Variants in PTCSC3 observed in about 807,000 individuals in gnomAD.
PTCSC3 encodes papillary thyroid carcinoma susceptibility candidate 3, also known as papillary thyroid carcinoma susceptibility candidate 3 (non-protein coding).
chr14:36,155,401 C>T (rs1034402342), intron 2 of PTCSC3, among the ~76,000 whole-genome samples: 10 of 152,140 alleles, frequency 6.6e-5, no homozygotes, highest in Non-Finnish European at 1.2e-4. Flanking sequence ...TTGCTACCCC[C>T]ATGCTCCAAG....
intron 3 of PTCSC3, among the ~76,000 whole-genome samples, chr14:36,151,769 C>G (rs1881729705): frequency 6.6e-6 from 1 of 152,162 alleles, no homozygotes; most frequent in African/African-American, 2.4e-5. Context: ...CCCTGAGAGC[C>G]AGCCTTTGTT....
At chr14:36,154,315 A>G (rs536346580) in intron 2 of PTCSC3, among the ~76,000 whole-genome samples, 6 of 152,314 alleles carry the variant, frequency 3.9e-5, no homozygotes, top group African/African-American at 1.2e-4. Flanking sequence ...ACTTATGTAC[A>G]TTATTACTTC....
intron 2 of PTCSC3, among the ~76,000 whole-genome samples, chr14:36,158,422 C>G (rs576939435): frequency 6.6e-6 from 1 of 152,062 alleles, no homozygotes; most frequent in Non-Finnish European, 1.5e-5. Flanking sequence ...TTTTGAGATA[C>G]GTCCCATCAA....
At chr14:36,165,002 A>G (rs1167347636) in intron 1 of PTCSC3, 1 of 152,216 alleles carries the variant, frequency 6.6e-6, no homozygotes, top group East Asian at 1.9e-4. Flanking sequence ...ATCAAATGTT[A>G]GACCTGGAAG....
intron 3 of PTCSC3, among the ~76,000 whole-genome samples, chr14:36,147,441 C>G (rs1881602433): frequency 6.6e-6 from 1 of 152,184 alleles, no homozygotes; most frequent in South Asian, 2.1e-4. Context: ...ACCCTTTCTT[C>G]CAGTTGATCG....
At chr14:36,135,889 G>GTA (rs947761485), downstream of PTCSC3, among the ~76,000 whole-genome samples, 13 of 139,338 alleles carry the variant, frequency 9.3e-5, no homozygotes, top group East Asian at 8.0e-4. Context: ...GTGTGTGTGT[G>GTA]TATATATATA....
chr14:36,150,769 G>A (rs1881703405), intron 3 of PTCSC3, among the ~76,000 whole-genome samples: 1 of 152,098 alleles, frequency 6.6e-6, no homozygotes. Context: ...ATAATAGTAT[G>A]TAGCTTCATG....
At chr14:36,148,231 C>G (rs1316495081) in intron 3 of PTCSC3, among the ~76,000 whole-genome samples, 1 of 152,128 alleles carries the variant, frequency 6.6e-6, no homozygotes, top group East Asian at 1.9e-4. Context: ...CCTAAGCAAG[C>G]CTGGGCAATG....
intron 2 of PTCSC3, among the ~76,000 whole-genome samples, chr14:36,159,342 G>C (rs1396645456): frequency 2.0e-5 from 3 of 152,060 alleles, no homozygotes; most frequent in Admixed American, 1.3e-4. Context: ...TGATGTTAGG[G>C]TGTTGATTTT....
chr14:36,154,813 A>G (rs1445170526), intron 2 of PTCSC3, among the ~76,000 whole-genome samples: 2 of 152,366 alleles, frequency 1.3e-5, no homozygotes, highest in East Asian at 3.9e-4. Flanking sequence ...ATATCCAAGT[A>G]GAGATGTCTG....
intron 3 of PTCSC3, among the ~76,000 whole-genome samples, chr14:36,148,780 T>C (rs1418267599): frequency 1.3e-5 from 2 of 152,188 alleles, no homozygotes; most frequent in African/African-American, 2.4e-5. Flanking sequence ...AATTAGCCCA[T>C]TTTATCTAAA....
At chr14:36,147,115 T>C (rs1325928732) in intron 3 of PTCSC3, among the ~76,000 whole-genome samples, 2 of 152,170 alleles carry the variant, frequency 1.3e-5, no homozygotes, top group African/African-American at 4.8e-5. Flanking sequence ...TCATTTCGAC[T>C]TTGGTGAATC....
At chr14:36,163,197 A>AG (rs1882008731) in intron 1 of PTCSC3, among the ~76,000 whole-genome samples, 1 of 152,158 alleles carries the variant, frequency 6.6e-6, no homozygotes, top group African/African-American at 2.4e-5. Context: ...ATATAGCAAG[A>AG]GTCCATCTCT....
chr14:36,157,087 CT>C (rs762026570), intron 2 of PTCSC3, among the ~76,000 whole-genome samples: 2 of 152,188 alleles, frequency 1.3e-5, no homozygotes, highest in Non-Finnish European at 2.9e-5. Context: ...TGTTTCCTGA[CT>C]TTTTCATGAT....
At chr14:36,143,146 G>C (rs1881466789) in intron 3 of PTCSC3, among the ~76,000 whole-genome samples, 1 of 150,024 alleles carries the variant, frequency 6.7e-6, no homozygotes, top group Non-Finnish European at 1.5e-5. Context: ...ATAGCAGCAT[G>C]ATTTATAGTC....
chr14:36,142,429 G>A (rs955237578), intron 3 of PTCSC3, among the ~76,000 whole-genome samples: 19 of 152,090 alleles, frequency 1.2e-4, no homozygotes, highest in African/African-American at 4.6e-4. Flanking sequence ...AGATACATTG[G>A]TACATGATTT....
At chr14:36,149,155 A>T (rs1594448182) in intron 3 of PTCSC3, among the ~76,000 whole-genome samples, 1 of 152,026 alleles carries the variant, frequency 6.6e-6, no homozygotes, top group South Asian at 2.1e-4. Context: ...CCCTCTAGAC[A>T]TTGTTCTTGC....
At chr14:36,148,196 T>G (rs1438602653) in intron 3 of PTCSC3, among the ~76,000 whole-genome samples, 1 of 151,978 alleles carries the variant, frequency 6.6e-6, no homozygotes, top group Non-Finnish European at 1.5e-5. Flanking sequence ...TCCACCCAGT[T>G]TGAGCTTCCC....
At chr14:36,165,689 A>G (rs551338165) in intron 1 of PTCSC3, among the ~76,000 whole-genome samples, 19 of 151,460 alleles carry the variant, frequency 1.3e-4, no homozygotes, top group African/African-American at 4.6e-4. Context: ...AATGAAACAG[A>G]TAGATGGGTA....
Sources: allele counts gnomAD v4.1 joint callset (sites outside exome capture counted in the v4.1 genomes callset), GRCh38; gene constraint gnomAD v4.1.1; transcripts MANE v1.5; gene names NCBI Gene and HGNC (gene_info 2026-07-23, HGNC 2026-07-21).